The following CELF2 variants were observed in gnomAD, a reference collection of about 807,000 sequenced individuals.
CELF2 encodes the protein CUG triplet repeat RNA-binding protein 2.
CELF2 carries 8 observed loss-of-function variants against 62.6 expected under a neutral mutation model. The ratio of observed to expected loss-of-function variants is 0.13; its 90% CI spans 0.07 to 0.23. CELF2 has a LOEUF of 0.23. Among genes scored for constraint, CELF2 ranks in the 10% least tolerant of loss-of-function variants. CELF2 has a pLI of 1.00. For synonymous variants in CELF2, 258 were observed against 250.0 expected (o/e 1.03, Z -0.30); for missense variants, 333 against 671.0 (o/e 0.50, Z 5.56).
the CELF2 span, among the ~76,000 whole-genome samples, chr10:10,525,539 T>C: frequency 1.5e-4 from 23 of 152,316 alleles, no homozygotes; most frequent in African/African-American, 4.8e-4. Flanking sequence ...TTCCACCCTC[T>C]GCTTCTATGG....
intron 2 of CELF2, among the ~76,000 whole-genome samples, chr10:11,215,293 T>C (rs145273222): frequency 2.4e-4 from 36 of 152,326 alleles, no homozygotes; most frequent in Non-Finnish European, 4.4e-4. Flanking sequence ...CACAGCTGGC[T>C]CACACAGAAG....
the CELF2 span, among the ~76,000 whole-genome samples, chr10:10,720,917 G>A: frequency 6.6e-6 from 1 of 152,184 alleles, no homozygotes; most frequent in Non-Finnish European, 1.5e-5. Flanking sequence ...CCAGTTGGGG[G>A]AAAAATATGA....
At chr10:10,594,739 C>T in the CELF2 span, among the ~76,000 whole-genome samples, 1 of 152,342 alleles carries the variant, frequency 6.6e-6, no homozygotes. Context: ...GGAATTCTCT[C>T]AACCCTTAAT....
chr10:11,152,041 G>C (rs778526568), intron 1 of CELF2, among the ~76,000 whole-genome samples: 1 of 152,200 alleles, frequency 6.6e-6, no homozygotes, highest in Admixed American at 6.5e-5. Context: ...AGCAGTGAAA[G>C]TCCTGACCCT....
In CELF2 at chr10:11,290,513, G is replaced by A. The variant is rs1472702243; in HGVS notation, c.976+1961G>A. Among the ~76,000 whole-genome samples the A allele has an allele frequency of 3.6e-5, 5 of 137,280 alleles. No individual in the cohort carries two copies. The highest frequency in any genetic ancestry group is 2.7e-4 in the South Asian group (1 of 3,700). The allele number at this position is 137,280 out of a possible 152,430, so 90.1% of individuals were successfully genotyped here. A position where few individuals can be genotyped will look rare whatever the true frequency, so the allele number is the denominator to read the frequency against. On this transcript the variant is annotated intron_variant, in intron 9 of 12. Coordinates refer to ENST00000633077, the MANE Select transcript of CELF2 (RefSeq NM_001326342.2). The surrounding 1 kb of genome is among the most constrained non-coding windows in gnomAD (Gnocchi z 4.3). The stretch of plus-strand genomic sequence containing the variant: ...CTGCACTCCAGCCTGGGCGACGAGC[G>A]AGACTCCGTCTAAAAAAAAAAAAAA...
the CELF2 span, among the ~76,000 whole-genome samples, chr10:10,646,230 A>G: frequency 6.6e-6 from 1 of 152,226 alleles, no homozygotes; most frequent in African/African-American, 2.4e-5. Context: ...GACAGAAAGG[A>G]AGGTAGAAAA....
rs539674033 is a variant in CELF2 at position 11,280,945 on chromosome 10, G to C, written c.841+5825G>C. ...GCTAAGAATGGAGGAGCTCGGGCTC[G>C]CCTGGCTGCTTCTGATGCTGGCGTG... is the stretch of plus-strand genomic sequence containing the variant. On this transcript the variant is annotated intron_variant, in intron 8 of 12. Coordinates refer to ENST00000633077, the MANE Select transcript of CELF2 (RefSeq NM_001326342.2). The surrounding 1 kb of genome is among the most constrained non-coding windows in gnomAD (Gnocchi z 7.6). Among the ~76,000 whole-genome samples the C allele has an allele frequency of 9.9e-5, 15 of 151,928 alleles. No homozygotes were observed. Among genetic ancestry groups the C allele is most frequent in the African/African-American group, 3.6e-4 (15 of 41,300 alleles).
At chr10:10,919,308 C>T (rs947456146) in intron 1 of CELF2, among the ~76,000 whole-genome samples, 3 of 151,812 alleles carry the variant, frequency 2.0e-5, no homozygotes, top group Non-Finnish European at 2.9e-5. Context: ...AGACAAGAGA[C>T]GGCAATTGGG....
chr10:11,039,175 C>A lies in CELF2; in HGVS notation c.74+21012C>A, dbSNP rs570467187. Among the ~76,000 whole-genome samples the A allele has an allele frequency of 6.6e-6, 1 of 152,142 alleles. No homozygotes were observed. The highest frequency in any genetic ancestry group is 2.4e-5 in the African/African-American group (1 of 41,426). The stretch of plus-strand genomic sequence containing the variant: ...CGTGGAGGACACTGAGAGCAGAAAC[C>A]GTGATGCAGTGAGCCTTCTGCCCAC... On this transcript the variant is annotated intron_variant, in intron 1 of 12. Coordinates refer to ENST00000633077, the MANE Select transcript of CELF2 (RefSeq NM_001326342.2). The surrounding 1 kb of genome is among the most constrained non-coding windows in gnomAD (Gnocchi z 4.1).
In CELF2 at chr10:10,841,204, C is replaced by T. The variant is rs564105875; in HGVS notation, c.53+42387C>T. On this transcript the variant is annotated intron_variant, in intron 1 of 13. Coordinates refer to the CELF2 transcript ENST00000636488. Reference sequence around the variant, plus strand: ...GATTTATAATCGTTTGGATATATATCCAGTAATGGGATTGCTGGGTCAAAT... The same window carrying T: ...GATTTATAATCGTTTGGATATATATTCAGTAATGGGATTGCTGGGTCAAAT... Among the ~76,000 whole-genome samples, 7 of 152,152 alleles carry T rather than the reference C, an allele frequency of 4.6e-5. No individual in the cohort carries two copies. The South Asian group carries it at 6.2e-4, about 14-fold the overall frequency.
intron 1 of CELF2, among the ~76,000 whole-genome samples, chr10:11,036,040 C>T (rs1392934297): frequency 6.6e-6 from 1 of 152,168 alleles, no homozygotes; most frequent in Non-Finnish European, 1.5e-5. Context: ...GGTAGTTGTA[C>T]AGCTAATTCA....
At chr10:10,698,448 T>G in the CELF2 span, among the ~76,000 whole-genome samples, 1 of 152,218 alleles carries the variant, frequency 6.6e-6, no homozygotes, top group Admixed American at 6.5e-5. Flanking sequence ...TGAAAGTACT[T>G]AGCAAAGTAT....
chr10:10,571,114 A>C, the CELF2 span, among the ~76,000 whole-genome samples: 3 of 152,330 alleles, frequency 2.0e-5, no homozygotes, highest in South Asian at 6.2e-4. Context: ...ATAATTTAAT[A>C]CTTTCAGAAG....
At chr10:10,623,983 T>A in the CELF2 span, among the ~76,000 whole-genome samples, 4 of 152,168 alleles carry the variant, frequency 2.6e-5, no homozygotes, top group African/African-American at 9.7e-5. Flanking sequence ...AGGGCCCATC[T>A]GATAAGACTA....
intron 1 of CELF2, among the ~76,000 whole-genome samples, chr10:11,164,399 A>G (rs2066462999): frequency 6.6e-6 from 1 of 152,252 alleles, no homozygotes; most frequent in South Asian, 2.1e-4. Context: ...TGTACACAGC[A>G]TTCTCTTCCA....
In CELF2 at chr10:11,228,718, C is replaced by CAAAAAAAAA. The variant is rs56167230; in HGVS notation, c.354+11230_354+11238dup. On this transcript the variant is annotated intron_variant, in intron 3 of 12. Coordinates refer to ENST00000633077, the MANE Select transcript of CELF2 (RefSeq NM_001326342.2). ...TCACAACCCCCACCCGCGCCCCTCG[C>CAAAAAAAAA]AAAAAAAAAAAAAAAAAAAAAAAAA... is the stretch of plus-strand genomic sequence containing the variant. Among the ~76,000 whole-genome samples, 5 of 135,174 alleles carry CAAAAAAAAA rather than the reference C, an allele frequency of 3.7e-5. 1 individual carries two copies. The highest frequency in any genetic ancestry group is 1.4e-4 in the African/African-American group (5 of 34,860). 88.7% of individuals were successfully genotyped at this position (135,174 alleles called of 152,430 possible). A position where few individuals can be genotyped will look rare whatever the true frequency, so the allele number is the denominator to read the frequency against.
chr10:10,611,498 A>G, the CELF2 span, among the ~76,000 whole-genome samples: 2 of 152,200 alleles, frequency 1.3e-5, no homozygotes, highest in African/African-American at 4.8e-5. Context: ...AGTCACCAAC[A>G]TGGGAAATGA....
the CELF2 span, among the ~76,000 whole-genome samples, chr10:10,711,498 A>G: frequency 6.6e-6 from 1 of 152,116 alleles, no homozygotes; most frequent in Non-Finnish European, 1.5e-5. Flanking sequence ...TCCATTCCTG[A>G]CCTGCACAGA....
At chr10:10,958,962 A>G (rs2049188023) in intron 2 of CELF2, among the ~76,000 whole-genome samples, 1 of 152,202 alleles carries the variant, frequency 6.6e-6, no homozygotes, top group African/African-American at 2.4e-5. Context: ...AGTATCAAGA[A>G]GTCTTGGATC....
Sources: allele counts gnomAD v4.1 joint callset (sites outside exome capture counted in the v4.1 genomes callset), GRCh38; gene constraint gnomAD v4.1.1; non-coding constraint Gnocchi (gnomAD v3.1); transcripts MANE v1.5; gene names NCBI Gene and HGNC (gene_info 2026-07-23, HGNC 2026-07-21).